The following OR52I2 variants were observed in gnomAD, a reference collection of about 807,000 sequenced individuals.
OR52I2 encodes olfactory receptor 52I2.
For missense variants in OR52I2, 350 were observed against 402.4 expected (o/e 0.87, Z 1.11); for synonymous variants, 147 against 151.9 (o/e 0.97, Z 0.24).
In OR52I2 at chr11:4,587,160, C is replaced by T. The variant is rs199924123; in HGVS notation, c.270C>T (p.Cys90=). Reference sequence around the variant, plus strand: ...TACCCAAGATGGTGAGCATCTTCTGCTCAGGAGACAGCTCAATCAGCTTTA... The same window carrying T: ...TACCCAAGATGGTGAGCATCTTCTGTTCAGGAGACAGCTCAATCAGCTTTA... Residue 90 remains cysteine (C), a synonymous_variant, in exon 2 of 2, where the codon TGC becomes TGT. Transcript: ENST00000641896. 1.6e-5 allele frequency: 26 copies of T among 1,614,196 alleles called. No homozygotes were observed. In the Admixed American group the frequency reaches 4.0e-4, roughly 25 times the overall value.
exon 2 of OR52I2, chr11:4,587,845 C>T (rs1370480241): frequency 6.2e-7 from 1 of 1,613,780 alleles, no homozygotes; most frequent in Non-Finnish European, 8.5e-7. Flanking sequence ...CCTCTTTGAC[C>T]ATTCCAACCT....
intron 1 of OR52I2, among the ~76,000 whole-genome samples, chr11:4,586,623 A>C (rs1458995595): frequency 1.3e-5 from 2 of 152,216 alleles, no homozygotes; most frequent in Non-Finnish European, 1.5e-5. Flanking sequence ...GGAATGGGGA[A>C]GGAAGAAAGC....
chr11:4,586,714 G>A, intron 1 of OR52I2, 158 bp from the exon 2 acceptor site: 1 of 920,552 alleles, frequency 1.1e-6, no homozygotes, highest in Non-Finnish European at 1.7e-6. Flanking sequence ...GAATATTAAG[G>A]AGGATAAAAG....
rs386372959 is a variant in OR52I2, at chr11:4,582,434, A to ATTTTTTTTTTTTTTTTTTTT, written c.-20+573_-20+592dup. ...TTATTTTTATATTTATTTATTTTTC[A>ATTTTTTTTTTTTTTTTTTTT]TTTTTTTTTTTTTTTTTTTTTTGAG... is the stretch of plus-strand genomic sequence containing the variant. On this transcript the variant is annotated intron_variant, in intron 1 of 1. Transcript: ENST00000641896. Among the ~76,000 whole-genome samples the ATTTTTTTTTTTTTTTTTTTT allele has an allele frequency of 5.1e-4, 49 of 96,460 alleles. 1 individual carries two copies. The highest frequency in any genetic ancestry group is 6.2e-4 in the East Asian group (2 of 3,236). The allele number at this position is 96,460 out of a possible 152,430, so 63.3% of individuals were successfully genotyped here.
chr11:4,587,533 G>A (rs1292398121), exon 2 of OR52I2: 8 of 1,614,166 alleles, frequency 5.0e-6, no homozygotes, highest in Non-Finnish European at 5.1e-6. Flanking sequence ...GGGCTCTGAT[G>A]TGGCCTTCAT....
chr11:4,583,950 A>T (rs1168043763), intron 1 of OR52I2, among the ~76,000 whole-genome samples: 3 of 152,202 alleles, frequency 2.0e-5, no homozygotes, highest in Admixed American at 1.3e-4. Flanking sequence ...ATGTTCCTCT[A>T]GTGCTTGGCT....
At chr11:4,588,341 A>G (rs1011753148) in exon 2 of OR52I2, 3 of 161,192 alleles carry the variant, frequency 1.9e-5, no homozygotes, top group Non-Finnish European at 4.1e-5. Context: ...ATTAAAAAGA[A>G]AAACACTAGA....
In OR52I2 at chr11:4,587,692, T is replaced by C. The variant is rs369845471; in HGVS notation, c.802T>C (p.Leu268=). The C allele has an allele frequency of 6.8e-6, 11 of 1,614,082 alleles. No individual in the cohort carries two copies. In the African/African-American group the frequency reaches 1.1e-4, roughly 16 times the overall value. ...GATGGCATCCATCTATGCGGCCTGG[T>C]TGGGGCAGGATGTAGTGCCCTTGCA... is the stretch of plus-strand genomic sequence containing the variant. The change falls in exon 2 of 2, where the codon TTG becomes CTG. Residue 268 remains leucine, a synonymous_variant. Coordinates refer to ENST00000641896, the Ensembl canonical transcript of OR52I2.
intron 1 of OR52I2, among the ~76,000 whole-genome samples, chr11:4,585,303 TGAA>T (rs1846291325): frequency 6.6e-6 from 1 of 152,124 alleles, no homozygotes; most frequent in South Asian, 2.1e-4. Flanking sequence ...AGGGGTTCCA[TGAA>T]GAAGATCAGC....
chr11:4,582,434 A>ATTTTTTTTTTTTTTTTTTTTTTTTTCTT (rs386372959), intron 1 of OR52I2, among the ~76,000 whole-genome samples: 3 of 96,480 alleles, frequency 3.1e-5, no homozygotes, highest in South Asian at 3.7e-4. Flanking sequence ...TTTATTTTTC[A>ATTTTTTTTTTTTTTTTTTTTTTTTTCTT]TTTTTTTTTT....
exon 2 of OR52I2, chr11:4,592,828 C>T (rs1410377361): frequency 6.6e-6 from 1 of 152,200 alleles, no homozygotes; most frequent in African/African-American, 2.4e-5. Flanking sequence ...AGCTCAGCTG[C>T]TGGCTGTGCA....
At chr11:4,585,797 G>T (rs1380066484) in intron 1 of OR52I2, among the ~76,000 whole-genome samples, 1 of 152,178 alleles carries the variant, frequency 6.6e-6, no homozygotes, top group Non-Finnish European at 1.5e-5. Context: ...ATCTTGGCTA[G>T]AATATTTAAT....
At chr11:4,583,617 G>A (rs1427720999) in intron 1 of OR52I2, among the ~76,000 whole-genome samples, 4 of 152,198 alleles carry the variant, frequency 2.6e-5, no homozygotes, top group African/African-American at 9.6e-5. Context: ...CATCACTTAA[G>A]ATGTCTCGCC....
At chr11:4,583,848 C>A (rs1163465838) in intron 1 of OR52I2, among the ~76,000 whole-genome samples, 1 of 152,168 alleles carries the variant, frequency 6.6e-6, no homozygotes, top group Non-Finnish European at 1.5e-5. Flanking sequence ...GTTGTTGGCA[C>A]CTGGGTGTGG....
exon 2 of OR52I2, chr11:4,589,915 T>C (rs1846338515): frequency 1.3e-5 from 2 of 152,254 alleles, no homozygotes; most frequent in African/African-American, 2.4e-5. Context: ...CCATATCTTA[T>C]GATTTGTGAA....
intron 1 of OR52I2, among the ~76,000 whole-genome samples, chr11:4,583,005 G>A (rs1505203): frequency 0.089 from 13,550 of 152,056 alleles, 944 homozygotes; most frequent in East Asian, 0.23. Context: ...TGTCCATAAT[G>A]GCTCAAAAAC....
chr11:4,591,448 T>C (rs918154682), exon 2 of OR52I2: 5 of 152,200 alleles, frequency 3.3e-5, no homozygotes, highest in African/African-American at 1.2e-4. Context: ...TTGAGCGATA[T>C]ATGACTACTG....
chr11:4,586,114 T>C (rs563868527), intron 1 of OR52I2, among the ~76,000 whole-genome samples: 24 of 152,328 alleles, frequency 1.6e-4, no homozygotes, highest in African/African-American at 5.3e-4. Flanking sequence ...CCTAAGTAAA[T>C]AGGATATTCA....
chr11:4,583,428 G>T (rs1047063293), intron 1 of OR52I2, among the ~76,000 whole-genome samples: 2 of 152,288 alleles, frequency 1.3e-5, no homozygotes, highest in Admixed American at 1.3e-4. Context: ...CTGGATCAGA[G>T]GTGAGTGGGG....
Sources: gnomAD v4.1 joint callset for allele counts (sites outside exome capture counted in the v4.1 genomes callset) on GRCh38, gnomAD v4.1.1 for gene constraint, MANE v1.5 for transcripts, NCBI Gene and HGNC (gene_info 2026-07-23, HGNC 2026-07-21) for gene names.